Variants in B4GALT4 observed in about 807,000 individuals in gnomAD.
B4GALT4 encodes N-acetyllactosamine synthase.
A neutral mutation model predicts 37.3 loss-of-function variants in B4GALT4; 27 were observed. The ratio of observed to expected loss-of-function variants is 0.72; its 90% CI spans 0.53 to 1.00. The LOEUF (loss-of-function observed/expected upper bound fraction) is 1.00, where lower values mean the gene tolerates loss of function less well. B4GALT4 is among the 50% of genes least tolerant of loss of function. The probability of loss-of-function intolerance (pLI) is 0.00; values close to 1 mark genes in which losing one functional copy is unlikely to be tolerated. For synonymous variants in B4GALT4, 148 were observed against 154.1 expected, an observed-to-expected ratio of 0.96 and a Z score of 0.29; for missense variants, 372 against 413.1, an observed-to-expected ratio of 0.90 and a Z score of 0.86.
intron 2 of B4GALT4, chr3:119,232,942 G>C (rs1276385640): frequency 6.6e-6 from 1 of 152,156 alleles, no homozygotes; most frequent in Non-Finnish European, 1.5e-5. Flanking sequence ...CAAGCAGCTG[G>C]GATTACAGGC....
chr3:119,232,107 T>C (rs141366836), intron 2 of B4GALT4, among the ~76,000 whole-genome samples: 220 of 152,098 alleles, frequency 1.4e-3, no homozygotes, highest in African/African-American at 4.8e-3. Flanking sequence ...ACCTAGAAAA[T>C]ATTTCTCTCT....
intron 1 of B4GALT4, chr3:119,240,138 C>T (rs2107562644): frequency 6.6e-6 from 1 of 152,272 alleles, no homozygotes; most frequent in South Asian, 2.1e-4. Context: ...CACTCTGGAA[C>T]ACTTTGCAAC....
chr3:119,231,774 A>C (rs898466788), intron 2 of B4GALT4, among the ~76,000 whole-genome samples: 21 of 132,916 alleles, frequency 1.6e-4, no homozygotes, highest in Non-Finnish European at 3.1e-4. Flanking sequence ...TTATTTAATA[A>C]TTTTTAATAG....
chr3:119,240,830 G>C lies in B4GALT4; in HGVS notation c.-364+20C>G, dbSNP rs2079140047. 6.6e-6 allele frequency: 1 copy of C among 152,416 alleles called. No individual in the cohort carries two copies. Among genetic ancestry groups the C allele is most frequent in the East Asian group, 1.9e-4 (1 of 5,178 alleles). 9.4% of individuals were successfully genotyped at this position (152,416 alleles called of 1,614,324 possible). A position where few individuals can be genotyped will look rare whatever the true frequency, so the allele number is the denominator to read the frequency against. ...CAGGGAACTGCATTTCCCGGGCGCCGGCGGAGCCAGCGTACTCACCCCGGA... is the reference window on the plus strand; with the variant it reads ...CAGGGAACTGCATTTCCCGGGCGCCCGCGGAGCCAGCGTACTCACCCCGGA... On this transcript the variant is annotated intron_variant, in intron 1 of 7. Coordinates refer to ENST00000393765, the MANE Select transcript of B4GALT4 (RefSeq NM_003778.4).
intron 2 of B4GALT4, among the ~76,000 whole-genome samples, chr3:119,231,883 A>G (rs944444769): frequency 6.7e-6 from 1 of 148,566 alleles, no homozygotes; most frequent in Admixed American, 6.7e-5. Context: ...ATATTTTTGT[A>G]TATCACATAT....
At chr3:119,226,383 A>G (rs1202804493) in intron 4 of B4GALT4, 2 of 172,338 alleles carry the variant, frequency 1.2e-5, no homozygotes, top group Admixed American at 1.1e-4. Context: ...CACCACAGCT[A>G]CTAATACAGA....
chr3:119,220,928 G>T (rs1173448183), intron 5 of B4GALT4, among the ~76,000 whole-genome samples: 1 of 151,632 alleles, frequency 6.6e-6, no homozygotes, highest in Non-Finnish European at 1.5e-5. Context: ...GGAAGTTCCA[G>T]TGAGCCAAGA....
In B4GALT4 at chr3:119,229,991, C is replaced by A; in HGVS notation, c.109G>T (p.Ala37Ser). The A allele has an allele frequency of 6.2e-7, 1 of 1,614,154 alleles. No homozygotes were observed. The highest frequency in any genetic ancestry group is 1.3e-5 in the African/African-American group (1 of 75,010). ...GWATSNYFVG[A>S]IQEIPKAKEF... ...TTTGCTTTAGGAATCTCTTGAATGG[C>A]ACCCACGAAGTAGTTACTGGTGGCC... The change falls in exon 3 of 8, where the codon GCC (alanine) becomes TCC (serine). Residue 37 changes from alanine to serine, a missense_variant. Ala to Ser is a moderately conservative substitution (Grantham distance 99, BLOSUM62 1). Coordinates refer to ENST00000393765, the MANE Select transcript of B4GALT4 (RefSeq NM_003778.4).
chr3:119,234,101 A>G (rs544711234), intron 2 of B4GALT4, among the ~76,000 whole-genome samples: 1 of 151,840 alleles, frequency 6.6e-6, no homozygotes, highest in Non-Finnish European at 1.5e-5. Flanking sequence ...TATCTGGTAC[A>G]TTTCCAGGAC....
chr3:119,221,279 G>C (rs1266738012), intron 5 of B4GALT4, among the ~76,000 whole-genome samples: 1 of 152,228 alleles, frequency 6.6e-6, no homozygotes, highest in African/African-American at 2.4e-5. Context: ...CATAGGCAGT[G>C]AGAAACAAGA....
intron 7 of B4GALT4, chr3:119,213,730 A>G (rs1191555216): frequency 6.6e-6 from 1 of 152,250 alleles, no homozygotes; most frequent in Non-Finnish European, 1.5e-5. Context: ...AGCAGTGTTC[A>G]TGGCATCAAG....
chr3:119,236,191 C>T (rs530460320), intron 2 of B4GALT4: 2 of 151,894 alleles, frequency 1.3e-5, no homozygotes, highest in Admixed American at 6.6e-5. Context: ...TGGTACTCTT[C>T]GAAGAATCAA....
In B4GALT4 at chr3:119,218,735, G is replaced by A; in HGVS notation, c.712C>T (p.Leu238=). The change falls in exon 6 of 8, where the codon CTA becomes TTA. Residue 238 remains leucine, a synonymous_variant. Transcript: ENST00000393765. ...ACCTTGAAAAACTGCTCTCTGCTTA[G>A]GGCAGTAACACCCCCAAAATATCCA... ...YSGYFGGVTA[L]SREQFFKVNG... is the part of the protein sequence containing the mutation. 1 of 1,614,126 alleles carries A rather than the reference G, an allele frequency of 6.2e-7. No individual in the cohort carries two copies. Among genetic ancestry groups the A allele is most frequent in the South Asian group, 1.1e-5 (1 of 91,076 alleles).
chr3:119,217,129 C>G (rs1482064087), intron 6 of B4GALT4, among the ~76,000 whole-genome samples: 3 of 152,208 alleles, frequency 2.0e-5, no homozygotes, highest in Non-Finnish European at 2.9e-5. Context: ...ATTGGAGGCT[C>G]CCCTCTACTT....
At chr3:119,214,868 A>G (rs1347823829) in intron 7 of B4GALT4, 1 of 152,232 alleles carries the variant, frequency 6.6e-6, no homozygotes, top group Non-Finnish European at 1.5e-5. Context: ...AAAACTGATG[A>G]GGAATCTCAC....
At chr3:119,228,761 G>A (rs1248615933) in intron 3 of B4GALT4, among the ~76,000 whole-genome samples, 4 of 146,082 alleles carry the variant, frequency 2.7e-5, no homozygotes, top group African/African-American at 7.7e-5. Flanking sequence ...GGGCCTCTGG[G>A]AAGTAACTAG....
rs562502608 is a variant in B4GALT4, at chr3:119,227,662, G to C, written c.254-621C>G. On this transcript the variant is annotated intron_variant, in intron 3 of 7. Transcript: ENST00000393765. ...CAATCGAGCACAGTATTTGCTCAGT[G>C]TCTGGAAGCAATCCAAACAGATGAA... is the stretch of plus-strand genomic sequence containing the variant. Among the ~76,000 whole-genome samples, 11 of 152,352 alleles carry C rather than the reference G, an allele frequency of 7.2e-5. No individual in the cohort carries two copies. The East Asian group carries it at 2.1e-3, about 29-fold the overall frequency.
intron 3 of B4GALT4, 34 bp downstream of exon 3, chr3:119,229,813 T>C (rs776165671): frequency 3.1e-6 from 5 of 1,602,598 alleles, no homozygotes; most frequent in African/African-American, 1.3e-5. Context: ...AAAGTTTGCA[T>C]ACTACTTAAT....
intron 2 of B4GALT4, chr3:119,232,553 T>G (rs899900837): frequency 2.1e-5 from 3 of 142,654 alleles, no homozygotes; most frequent in Non-Finnish European, 4.4e-5. Flanking sequence ...CCTTGAATAT[T>G]CAGGTTCCCT....
Sources: gnomAD v4.1 joint callset for allele counts (sites outside exome capture counted in the v4.1 genomes callset) on GRCh38, gnomAD v4.1.1 for gene constraint, MANE v1.5 for transcripts, NCBI Gene and HGNC (gene_info 2026-07-23, HGNC 2026-07-21) for gene names.